Variants in DHX35 observed in about 807,000 individuals in gnomAD.
DHX35 encodes the protein probable ATP-dependent RNA helicase DHX35.
Under a neutral mutation model 99.6 loss-of-function variants are expected in DHX35, and 84 were observed. That is an observed-to-expected ratio of 0.84 (90% CI 0.71 to 1.01). DHX35 has a LOEUF of 1.01. Ranked by LOEUF, DHX35 falls within the 50% of genes least tolerant of loss-of-function variation. The pLI is 0.00. For synonymous variants in DHX35, 331 were observed against 316.2 expected (o/e 1.05, Z -0.50); for missense variants, 852 against 888.5 (o/e 0.96, Z 0.52).
chr20:38,962,388 G>C lies in DHX35; in HGVS notation c.21G>C (p.Pro7=), dbSNP rs2085844187. The C allele has an allele frequency of 7.4e-6, 12 of 1,612,872 alleles. No individual in the cohort carries two copies. The highest frequency in any genetic ancestry group is 1.0e-5 in the Non-Finnish European group (12 of 1,179,356). Residue 7 remains proline (P), a synonymous_variant, in exon 1 of 22, where the codon CCG becomes CCC. Coordinates refer to ENST00000252011, the MANE Select transcript of DHX35 (RefSeq NM_021931.4). The part of the protein sequence containing the change: MAAPVG[P]VKFWRPGTEG... ...CCAACATGGCTGCGCCCGTGGGACCGGTGAAGTTCTGGCGACCCGGTAAGG... is the reference window on the plus strand; with the variant it reads ...CCAACATGGCTGCGCCCGTGGGACCCGTGAAGTTCTGGCGACCCGGTAAGG...
chr20:39,026,974 C>T (rs2086967315), intron 18 of DHX35, among the ~76,000 whole-genome samples: 1 of 152,142 alleles, frequency 6.6e-6, no homozygotes, highest in Admixed American at 6.5e-5. Context: ...AATTTAAATT[C>T]TACCCAGCCT....
rs1159493135 is a variant in DHX35 at position 39,039,462 on chromosome 20, A to C, written c.*919A>C. The C allele has an allele frequency of 6.6e-6, 1 of 152,586 alleles. No homozygotes were observed. Among genetic ancestry groups the C allele is most frequent in the East Asian group, 1.9e-4 (1 of 5,200 alleles). 9.5% of individuals were successfully genotyped at this position (152,586 alleles called of 1,614,324 possible). ...CAGCAGGCACTGGTTTTGTTGCCCC[A>C]GGGCTGCTTTGCTGTGATGATGATT... is the stretch of plus-strand genomic sequence containing the variant. On this transcript the variant is annotated 3_prime_UTR_variant, in exon 22 of 22. Transcript: ENST00000252011.
At position 38,992,428 on chromosome 20, in the gene DHX35, A is replaced by G. The variant is rs1396531945; in HGVS notation, c.582+3A>G. ...TTGCCATTGGCTTGCTAAAAAAGGT[A>G]TGACTTCACTGCCAGCTTTTCATTG... On this transcript the variant is annotated splice_donor_region_variant and intron_variant, in intron 7 of 21. Transcript: ENST00000252011. The G allele has an allele frequency of 2.5e-6, 4 of 1,613,872 alleles. No individual in the cohort carries two copies. The highest frequency in any genetic ancestry group is 3.4e-6 in the Non-Finnish European group (4 of 1,179,874).
At position 38,972,569 on chromosome 20, in the gene DHX35, A is replaced by G. The variant is rs750954644; in HGVS notation, c.185A>G (p.His62Arg). The G allele has an allele frequency of 4.4e-6, 7 of 1,608,176 alleles. No homozygotes were observed. Among genetic ancestry groups the G allele is most frequent in the South Asian group, 1.1e-5 (1 of 90,884 alleles). ...QKLPVFKLRN[H>R]ILYLIENYQT... ...GTTATTCTTTTTCAGCTTAGGAATC[A>G]TATTTTATACTTGATAGAAAATTAT... Residue 62 changes from histidine to arginine, a missense_variant, in exon 3 of 22, where the codon CAT becomes CGT. His to Arg is a conservative substitution (Grantham distance 29). Transcript: ENST00000252011.
chr20:38,993,159 A>C (rs1370909888), intron 7 of DHX35, among the ~76,000 whole-genome samples: 2 of 152,160 alleles, frequency 1.3e-5, no homozygotes, highest in Admixed American at 6.5e-5. Flanking sequence ...GAGTCAGACT[A>C]CCTGGGTTCA....
At chr20:39,012,851 A>G (rs1311019238) in intron 13 of DHX35, among the ~76,000 whole-genome samples, 2 of 152,182 alleles carry the variant, frequency 1.3e-5, no homozygotes, top group Admixed American at 1.3e-4. Context: ...TAATTAAATG[A>G]TTGAGTATAA....
chr20:39,001,926 A>G, intron 9 of DHX35, 84 bp downstream of exon 9: 1 of 1,046,086 alleles, frequency 9.6e-7, no homozygotes, highest in Non-Finnish European at 1.5e-6. Context: ...TTTGCTCACA[A>G]CTCTAAAGGA....
At chr20:39,016,709 A>G (rs919776280) in intron 14 of DHX35, among the ~76,000 whole-genome samples, 4 of 152,108 alleles carry the variant, frequency 2.6e-5, no homozygotes, top group South Asian at 2.1e-4. Flanking sequence ...TGTTATAGCC[A>G]TCCTAGTGGG....
intron 5 of DHX35, 30 bp from the exon 6 acceptor site, chr20:38,991,424 T>G (rs1370755614): frequency 6.2e-7 from 1 of 1,600,678 alleles, no homozygotes; most frequent in Non-Finnish European, 8.5e-7. Context: ...AAGTGAATTA[T>G]TTCTAAAGCT....
chr20:39,016,861 C>CT (rs1343290511), intron 14 of DHX35, among the ~76,000 whole-genome samples: 1 of 142,292 alleles, frequency 7.0e-6, no homozygotes, highest in East Asian at 2.0e-4. Flanking sequence ...TTTATGTGTG[C>CT]TGTTGTCTTT....
At chr20:38,978,023 T>C in intron 3 of DHX35, 1 of 725,920 alleles carries the variant, frequency 1.4e-6, no homozygotes, top group South Asian at 1.4e-5. Context: ...CTTAAGAATT[T>C]CACATCTTCT....
chr20:39,014,892 C>A lies in DHX35; in HGVS notation c.1360C>A (p.Gln454Lys). 2 of 1,614,174 alleles carry A rather than the reference C, an allele frequency of 1.2e-6. No homozygotes were observed. Among genetic ancestry groups the A allele is most frequent in the Non-Finnish European group, 1.7e-6 (2 of 1,180,022 alleles). Residue 454 changes from glutamine to lysine, a missense_variant, in exon 14 of 22, where the codon CAG becomes AAG. By Grantham distance (53) the Gln-to-Lys change is moderately conservative. Transcript: ENST00000252011. Reference sequence around the variant, plus strand: ...ATGTTTTTTCCAGCCCCCTCCAGCACAGTCGATGGTTCAAGCCTTGGAGTT... The same window carrying A: ...ATGTTTTTTCCAGCCCCCTCCAGCAAAGTCGATGGTTCAAGCCTTGGAGTT... ...RFHFMSPPPA[Q>K]SMVQALELLY...
At chr20:39,007,103 C>T (rs2086630792) in intron 12 of DHX35, among the ~76,000 whole-genome samples, 1 of 152,198 alleles carries the variant, frequency 6.6e-6, no homozygotes, top group Admixed American at 6.5e-5. Context: ...TAACCAGGCC[C>T]AGGGTTTTTT....
intron 12 of DHX35, among the ~76,000 whole-genome samples, chr20:39,007,767 T>G (rs2086642362): frequency 6.6e-6 from 1 of 152,148 alleles, no homozygotes; most frequent in African/African-American, 2.4e-5. Flanking sequence ...ACCCAGGGCC[T>G]GAGGACCAAG....
intron 5 of DHX35, among the ~76,000 whole-genome samples, chr20:38,989,554 G>A (rs1302534533): frequency 1.3e-5 from 2 of 152,084 alleles, no homozygotes; most frequent in Non-Finnish European, 2.9e-5. Flanking sequence ...GCCAATCAGT[G>A]ATAGGACCAA....
chr20:38,983,866 A>G (rs1396458523), intron 4 of DHX35, 90 bp downstream of exon 4: 1 of 1,158,398 alleles, frequency 8.6e-7, no homozygotes, highest in Non-Finnish European at 1.2e-6. Context: ...AATGAATAGA[A>G]GTTGCTCCTT....
At chr20:38,973,178 TGTG>T (rs2086028120) in intron 3 of DHX35, among the ~76,000 whole-genome samples, 1 of 152,202 alleles carries the variant, frequency 6.6e-6, no homozygotes. Context: ...CAGTGAATAT[TGTG>T]GTTAGAAATA....
At chr20:38,976,609 A>G (rs918931052) in intron 3 of DHX35, among the ~76,000 whole-genome samples, 8 of 152,148 alleles carry the variant, frequency 5.3e-5, no homozygotes, top group African/African-American at 1.9e-4. Context: ...AGAACCTTCA[A>G]AATCTCCCTT....
intron 3 of DHX35, among the ~76,000 whole-genome samples, chr20:38,983,494 C>T (rs1042258763): frequency 1.3e-5 from 2 of 152,148 alleles, no homozygotes; most frequent in Admixed American, 6.6e-5. Flanking sequence ...TTCTGTTGAT[C>T]AGCTTTGATG....
Sources: allele counts gnomAD v4.1 joint callset (sites outside exome capture counted in the v4.1 genomes callset), GRCh38; gene constraint gnomAD v4.1.1; transcripts MANE v1.5; gene names NCBI Gene and HGNC (gene_info 2026-07-23, HGNC 2026-07-21).